The following MINDY2 variants were observed in gnomAD, a reference collection of about 807,000 sequenced individuals.
The protein encoded by MINDY2 is MINDY lysine 48 deubiquitinase 2.
A neutral mutation model predicts 68.2 loss-of-function variants in MINDY2; 52 were observed. The observed-to-expected ratio is 0.76, with a 90% CI of 0.61 to 0.96. The LOEUF (loss-of-function observed/expected upper bound fraction) is 0.96, where lower values mean the gene tolerates loss of function less well. MINDY2 is among the 40% of genes least tolerant of loss of function. The pLI is 0.00. For synonymous variants in MINDY2, 372 were observed against 303.0 expected (o/e 1.23, Z -2.36); for missense variants, 881 against 773.4 (o/e 1.14, Z -1.65).
chr15:58,819,605 C>T (rs907607519), intron 4 of MINDY2, among the ~76,000 whole-genome samples: 1 of 152,146 alleles, frequency 6.6e-6, no homozygotes, highest in Non-Finnish European at 1.5e-5. Context: ...GCCTCAGCCT[C>T]CTAAATTGTT....
chr15:58,824,099 T>G (rs1378380596), intron 5 of MINDY2, among the ~76,000 whole-genome samples: 1 of 152,208 alleles, frequency 6.6e-6, no homozygotes. Context: ...TTATGGAGTA[T>G]GAAGCTATGT....
chr15:58,839,749 C>T (rs1250129110), intron 6 of MINDY2, among the ~76,000 whole-genome samples: 1 of 152,068 alleles, frequency 6.6e-6, no homozygotes, highest in Non-Finnish European at 1.5e-5. Flanking sequence ...AAACCTGCAC[C>T]TGGACAAAGT....
intron 5 of MINDY2, among the ~76,000 whole-genome samples, chr15:58,829,941 G>A (rs1471385615): frequency 1.6e-4 from 24 of 152,206 alleles, no homozygotes; most frequent in Admixed American, 1.5e-3. Flanking sequence ...TCAATTTATT[G>A]TTGAAGTGTT....
rs369058006 is a variant in MINDY2 at position 58,847,284 on chromosome 15, A to C, written c.1369-13A>C. 6.5e-7 allele frequency: 1 copy of C among 1,529,858 alleles called. No individual in the cohort carries two copies. Among genetic ancestry groups the C allele is most frequent in the South Asian group, 1.3e-5 (1 of 78,660 alleles). 94.8% of individuals were successfully genotyped at this position (1,529,858 alleles called of 1,614,324 possible). ...ATTTAACAGTCCTTTTTCTTTTGTT[A>C]CTTCTTATTAAGGGTCAACTGTATT... On this transcript the variant is annotated splice_polypyrimidine_tract_variant and intron_variant, in intron 6 of 8. Coordinates refer to ENST00000559228, the MANE Select transcript of MINDY2 (RefSeq NM_001040450.3).
rs1189592253 is a variant in MINDY2, at chr15:58,861,870, T to G, written c.*7260T>G. 3.3e-5 allele frequency: 5 copies of G among 152,234 alleles called. No individual in the cohort carries two copies. The highest frequency in any genetic ancestry group is 1.2e-4 in the African/African-American group (5 of 41,468). 9.4% of individuals were successfully genotyped at this position (152,234 alleles called of 1,614,324 possible). ...GTATTTTTTATTATAGATTATATTT[T>G]ATTTCAATAAACTTTGATATTTAGA... is the stretch of plus-strand genomic sequence containing the variant. On this transcript the variant is annotated 3_prime_UTR_variant, in exon 9 of 9. Transcript: ENST00000559228.
At chr15:58,851,317 C>T (rs2032798909) in intron 7 of MINDY2, among the ~76,000 whole-genome samples, 2 of 152,166 alleles carry the variant, frequency 1.3e-5, no homozygotes, top group Non-Finnish European at 2.9e-5. Context: ...GAAATAAGTT[C>T]ATAGCTCCCC....
intron 1 of MINDY2, among the ~76,000 whole-genome samples, chr15:58,777,476 A>G (rs1900845435): frequency 6.6e-6 from 1 of 152,018 alleles, no homozygotes. Flanking sequence ...GATCATTCAT[A>G]ATCTATTAAG....
At chr15:58,791,215 T>TTATATATATATATCTATA (rs1901873618) in intron 2 of MINDY2, among the ~76,000 whole-genome samples, 1 of 79,586 alleles carries the variant, frequency 1.3e-5, no homozygotes, top group South Asian at 3.8e-4. Context: ...GAAAGCAATT[T>TTATATATATATATCTATA]TATATATATA....
chr15:58,793,199 C>G (rs1301626348), intron 2 of MINDY2, among the ~76,000 whole-genome samples: 1 of 152,142 alleles, frequency 6.6e-6, no homozygotes, highest in Non-Finnish European at 1.5e-5. Flanking sequence ...CGCCGTAATC[C>G]CAGCACTTTG....
chr15:58,792,541 C>T (rs950994634), intron 2 of MINDY2, among the ~76,000 whole-genome samples: 11 of 151,826 alleles, frequency 7.2e-5, no homozygotes, highest in Admixed American at 6.6e-4. Flanking sequence ...GGGAGGCGGA[C>T]GTTGCAGTGA....
At chr15:58,817,445 G>A (rs746069940) in intron 4 of MINDY2, among the ~76,000 whole-genome samples, 8 of 152,308 alleles carry the variant, frequency 5.3e-5, no homozygotes, top group Middle Eastern at 3.4e-3. Context: ...ATGGTATTAC[G>A]TTGGGCGCAG....
intron 1 of MINDY2, among the ~76,000 whole-genome samples, chr15:58,778,964 G>A (rs1900959051): frequency 6.6e-6 from 1 of 151,808 alleles, no homozygotes. Context: ...GTTTCAGCAT[G>A]TTGGCCAGGC....
At chr15:58,816,872 A>G (rs1258752306) in intron 4 of MINDY2, among the ~76,000 whole-genome samples, 1 of 152,162 alleles carries the variant, frequency 6.6e-6, no homozygotes, top group African/African-American at 2.4e-5. Context: ...AGAATCACTT[A>G]AGGCCAGGAG....
intron 1 of MINDY2, among the ~76,000 whole-genome samples, chr15:58,779,962 G>T (rs887839686): frequency 6.6e-6 from 1 of 152,188 alleles, no homozygotes; most frequent in African/African-American, 2.4e-5. Context: ...AGCAATCATA[G>T]GGGCTTTGAA....
At chr15:58,807,456 C>T (rs1385866475) in intron 3 of MINDY2, among the ~76,000 whole-genome samples, 1 of 145,964 alleles carries the variant, frequency 6.9e-6, no homozygotes, top group African/African-American at 2.5e-5. Context: ...CCCGGGTTTA[C>T]GCCATTCTGC....
At chr15:58,791,253 A>ATATATATATC (rs1567043806) in intron 2 of MINDY2, among the ~76,000 whole-genome samples, 1 of 128,564 alleles carries the variant, frequency 7.8e-6, no homozygotes, top group Non-Finnish European at 1.7e-5. Context: ...ATATATATAT[A>ATATATATATC]TATCTTGAGT....
intron 2 of MINDY2, among the ~76,000 whole-genome samples, chr15:58,800,748 C>T (rs1902584958): frequency 6.9e-6 from 1 of 145,768 alleles, no homozygotes; most frequent in South Asian, 2.2e-4. Flanking sequence ...GTGGGAGGAT[C>T]ACCTGAGTCT....
intron 5 of MINDY2, among the ~76,000 whole-genome samples, chr15:58,824,671 C>CTT (rs559754099): frequency 1.8e-4 from 25 of 135,168 alleles, no homozygotes; most frequent in Non-Finnish European, 2.9e-4. Context: ...ATCATATTAT[C>CTT]TTTTTTTTTT....
intron 7 of MINDY2, among the ~76,000 whole-genome samples, chr15:58,848,361 G>A (rs2032639426): frequency 6.6e-6 from 1 of 152,140 alleles, no homozygotes; most frequent in East Asian, 1.9e-4. Context: ...CCTTAAAGAT[G>A]CAGCCTAGTA....
Sources: allele counts gnomAD v4.1 joint callset (sites outside exome capture counted in the v4.1 genomes callset), GRCh38; gene constraint gnomAD v4.1.1; transcripts MANE v1.5; gene names NCBI Gene and HGNC (gene_info 2026-07-23, HGNC 2026-07-21).